Variants in ARHGEF7 observed in about 807,000 individuals in gnomAD.
ARHGEF7 encodes Rho guanine nucleotide exchange factor 7.
In ARHGEF7, 33 loss-of-function variants were observed where a neutral mutation model predicts 109.8. That is an observed-to-expected ratio of 0.30 (90% CI 0.23 to 0.40). ARHGEF7 has a LOEUF of 0.40. ARHGEF7 is among the 10% of genes least tolerant of loss of function. The pLI is 1.00. For synonymous variants in ARHGEF7, 458 were observed against 424.6 expected, an observed-to-expected ratio of 1.08 and a Z score of -0.97; for missense variants, 938 against 1,098.5, an observed-to-expected ratio of 0.85 and a Z score of 2.07.
At chr13:111,221,531 ATC>A (rs2084302411) in intron 5 of ARHGEF7, among the ~76,000 whole-genome samples, 1 of 31,912 alleles carries the variant, frequency 3.1e-5, no homozygotes, top group South Asian at 1.8e-3. Flanking sequence ...ATCTATATAT[ATC>A]TATATATAGA....
intron 1 of ARHGEF7, chr13:111,144,185 T>G (rs1480519604): frequency 1.3e-5 from 2 of 152,238 alleles, no homozygotes; most frequent in Non-Finnish European, 2.9e-5. Flanking sequence ...TTACTACCCT[T>G]CATAATCTGG....
At chr13:111,189,967 A>G (rs2079684866) in intron 2 of ARHGEF7, among the ~76,000 whole-genome samples, 1 of 152,322 alleles carries the variant, frequency 6.6e-6, no homozygotes, top group South Asian at 2.1e-4. Flanking sequence ...AGGAGACTCC[A>G]ACTGCTGTTG....
chr13:111,147,669 C>T lies in ARHGEF7; in HGVS notation c.166-6236C>T, dbSNP rs911398624. Among the ~76,000 whole-genome samples, 5 of 151,636 alleles carry T rather than the reference C, an allele frequency of 3.3e-5. No individual in the cohort carries two copies. The East Asian group carries it at 9.7e-4, about 29-fold the overall frequency. ...AGATGCAGTTCCATTTGCCTCTTCACCCTTCCAACTCAGAGGTCACCTTTT... is the reference window on the plus strand; with the variant it reads ...AGATGCAGTTCCATTTGCCTCTTCATCCTTCCAACTCAGAGGTCACCTTTT... On this transcript the variant is annotated intron_variant, in intron 1 of 21. Transcript: ENST00000646102.
At chr13:111,296,103 G>A (rs1034861669) in intron 19 of ARHGEF7, among the ~76,000 whole-genome samples, 4 of 152,174 alleles carry the variant, frequency 2.6e-5, no homozygotes, top group African/African-American at 4.8e-5. Flanking sequence ...CGTGGTGGTC[G>A]CGAGCTGGCA....
intron 19 of ARHGEF7, among the ~76,000 whole-genome samples, chr13:111,297,195 C>T (rs2093446658): frequency 6.6e-6 from 1 of 152,178 alleles, no homozygotes; most frequent in South Asian, 2.1e-4. Flanking sequence ...ACTTTTCAAT[C>T]ATTTTAGAAA....
rs974339597 is a variant in ARHGEF7, at chr13:111,266,563, T to G, written c.951-985T>G. On this transcript the variant is annotated intron_variant, in intron 8 of 21. Coordinates refer to ENST00000646102, the MANE Select transcript of ARHGEF7 (RefSeq NM_001354046.2). This position sits in a 1 kb window ranked among gnomAD's most constrained non-coding sequence, Gnocchi z 4.8. ...CTTCATTCCCCTTTTTTTAGGCAAA[T>G]GTATTTGTCCTTTCATGCCTTCTTA... is the stretch of plus-strand genomic sequence containing the variant. Among the ~76,000 whole-genome samples, 10 of 151,648 alleles carry G rather than the reference T, an allele frequency of 6.6e-5. No homozygotes were observed. Among genetic ancestry groups the G allele is most frequent in the African/African-American group, 2.2e-4 (9 of 40,954 alleles).
chr13:111,267,090 G>A (rs2091714222), intron 8 of ARHGEF7, among the ~76,000 whole-genome samples: 1 of 152,240 alleles, frequency 6.6e-6, no homozygotes, highest in African/African-American at 2.4e-5. Flanking sequence ...GATCTGGGGA[G>A]GAGAGGCACC....
chr13:111,268,149 T>C (rs562049336), intron 9 of ARHGEF7, among the ~76,000 whole-genome samples: 1 of 152,356 alleles, frequency 6.6e-6, no homozygotes, highest in East Asian at 1.9e-4. Context: ...GACGTTTTGC[T>C]TATTTTATGA....
chr13:111,273,670 A>G lies in ARHGEF7; in HGVS notation c.1074-144A>G. 1 of 1,151,940 alleles carries G rather than the reference A, an allele frequency of 8.7e-7. No individual in the cohort carries two copies. Among genetic ancestry groups the G allele is most frequent in the Non-Finnish European group, 1.2e-6 (1 of 808,036 alleles). The allele number at this position is 1,151,940 out of a possible 1,614,324, so 71.4% of individuals were successfully genotyped here. ...TGGCATTTCCAGATAAGCAGCGCAGATTTGGGATAAAAGCTGGAGCCTTCC... is the reference window on the plus strand; with the variant it reads ...TGGCATTTCCAGATAAGCAGCGCAGGTTTGGGATAAAAGCTGGAGCCTTCC... On this transcript the variant is annotated intron_variant, in intron 9 of 21. Transcript: ENST00000646102. The surrounding 1 kb of genome is among the most constrained non-coding windows in gnomAD (Gnocchi z 4.5).
At chr13:111,155,765 T>A (rs921925517) in intron 2 of ARHGEF7, among the ~76,000 whole-genome samples, 8 of 152,214 alleles carry the variant, frequency 5.3e-5, no homozygotes, top group Non-Finnish European at 1.2e-4. Flanking sequence ...TAAAACTTTT[T>A]AAAAAAGTTT....
intron 2 of ARHGEF7, among the ~76,000 whole-genome samples, chr13:111,197,279 G>A (rs1274245898): frequency 3.3e-5 from 5 of 151,934 alleles, no homozygotes; most frequent in Admixed American, 6.6e-5. Context: ...CCTGCTGATC[G>A]GAACAGTTGC....
At position 111,255,161 on chromosome 13, in the gene ARHGEF7, G is replaced by A. The variant is rs944496431; in HGVS notation, c.950+10867G>A. 2.1e-5 allele frequency among the ~76,000 whole-genome samples: 3 copies of A among 146,098 alleles called. No homozygotes were observed. Among genetic ancestry groups the A allele is most frequent in the African/African-American group, 5.1e-5 (2 of 38,942 alleles). On this transcript the variant is annotated intron_variant, in intron 8 of 21. Coordinates refer to ENST00000646102, the MANE Select transcript of ARHGEF7 (RefSeq NM_001354046.2). The surrounding 1 kb of genome is among the most constrained non-coding windows in gnomAD (Gnocchi z 4.1). The stretch of plus-strand genomic sequence containing the variant: ...GAAGGCCGGGCCCAGAAGAGGATTC[G>A]GGCTAAGGCGCTGAGTCGCTAACGT...
intron 2 of ARHGEF7, among the ~76,000 whole-genome samples, chr13:111,177,583 C>T (rs1390377195): frequency 6.6e-6 from 1 of 152,184 alleles, no homozygotes; most frequent in Non-Finnish European, 1.5e-5. Context: ...TCACACGGTC[C>T]TGCTGGCAGT....
intron 2 of ARHGEF7, among the ~76,000 whole-genome samples, chr13:111,155,174 AACCAATT>A (rs2076217947): frequency 6.6e-6 from 1 of 152,228 alleles, no homozygotes. Context: ...GGGATCCTGG[AACCAATT>A]CCCTGCTGAT....
intron 4 of ARHGEF7, among the ~76,000 whole-genome samples, chr13:111,213,920 G>A (rs1381637311): frequency 6.6e-6 from 1 of 152,070 alleles, no homozygotes; most frequent in Admixed American, 6.5e-5. Context: ...TGCATCTTGC[G>A]CTCTGATGGA....
rs190518289 is a variant in ARHGEF7, at chr13:111,233,339, C to T, written c.759+46C>T. Reference sequence around the variant, plus strand: ...TTTAAACTAACTGGTTTTTGACTGCCTGTAAAACTCAGCAATGTAGAATGT... The same window carrying T: ...TTTAAACTAACTGGTTTTTGACTGCTTGTAAAACTCAGCAATGTAGAATGT... On this transcript the variant is annotated intron_variant, in intron 6 of 21. Transcript: ENST00000646102. The T allele has an allele frequency of 7.6e-4, 1,104 of 1,453,834 alleles. 3 individuals are homozygous for T. Among genetic ancestry groups the T allele is most frequent in the South Asian group, 1.8e-3 (155 of 87,828 alleles). 90.1% of individuals were successfully genotyped at this position (1,453,834 alleles called of 1,614,324 possible). A position where few individuals can be genotyped will look rare whatever the true frequency, so the allele number is the denominator to read the frequency against.
intron 6 of ARHGEF7, among the ~76,000 whole-genome samples, chr13:111,243,490 A>G (rs993405691): frequency 6.6e-6 from 1 of 152,328 alleles, no homozygotes; most frequent in South Asian, 2.1e-4. Flanking sequence ...GGGATGATGC[A>G]GGATGTCCTT....
chr13:111,154,351 T>G (rs1226373492), intron 2 of ARHGEF7, among the ~76,000 whole-genome samples: 2 of 152,186 alleles, frequency 1.3e-5, no homozygotes, highest in Admixed American at 1.3e-4. Context: ...CAGCATGAAC[T>G]CTGCTTTTAG....
chr13:111,213,308 G>A (rs1451543546), intron 4 of ARHGEF7, among the ~76,000 whole-genome samples: 1 of 152,282 alleles, frequency 6.6e-6, no homozygotes, highest in South Asian at 2.1e-4. Context: ...TTTGGGTTAG[G>A]GCAGTGGGGG....
Sources: allele counts gnomAD v4.1 joint callset (sites outside exome capture counted in the v4.1 genomes callset), GRCh38; gene constraint gnomAD v4.1.1; non-coding constraint Gnocchi (gnomAD v3.1); transcripts MANE v1.5; gene names NCBI Gene and HGNC (gene_info 2026-07-23, HGNC 2026-07-21).